USP1: variants seen among roughly 807,000 people sequenced by gnomAD.
The protein encoded by USP1 is ubiquitin carboxyl-terminal hydrolase 1.
In USP1, 18 loss-of-function variants were observed where a neutral mutation model predicts 72.2. The observed-to-expected ratio is 0.25, with a 90% CI of 0.17 to 0.37. USP1 has a LOEUF of 0.37. USP1 is among the 10% of genes least tolerant of loss of function. USP1 has a pLI of 1.00. For missense variants in USP1, 759 were observed against 884.9 expected (o/e 0.86, Z 1.81); for synonymous variants, 354 against 303.7 (o/e 1.17, Z -1.72).
chr1:62,439,904 T>C lies in USP1; in HGVS notation c.37T>C (p.Ser13Pro), dbSNP rs1645120764. 3 of 1,543,022 alleles carry C rather than the reference T, an allele frequency of 1.9e-6. No homozygotes were observed. The highest frequency in any genetic ancestry group is 1.7e-6 in the Non-Finnish European group (2 of 1,151,248). ...GVIPSESNGL[S>P]RGSPSKKNRL... ...CATACCTAGTGAAAGTAATGGACTT[T>C]CAAGAGGTAGCCCTTCAAAGAAAAA... is the stretch of plus-strand genomic sequence containing the variant. Residue 13 changes from serine to proline, a missense_variant, in exon 2 of 9, where the codon TCA becomes CCA. Physicochemically the swap from Ser to Pro is moderately conservative, Grantham distance 74. Coordinates refer to ENST00000339950, the MANE Select transcript of USP1 (RefSeq NM_003368.5).
At chr1:62,449,572 A>G (rs1250305355) in intron 8 of USP1, among the ~76,000 whole-genome samples, 1 of 152,110 alleles carries the variant, frequency 6.6e-6, no homozygotes, top group Non-Finnish European at 1.5e-5. Context: ...ATAAAATACT[A>G]TTTTATTTAC....
Position 62,444,756 on chromosome 1 carries a change from T to C in USP1, c.576T>C (p.Tyr192=), listed in dbSNP as rs1645157970. 1.3e-6 allele frequency: 2 copies of C among 1,585,902 alleles called. No individual in the cohort carries two copies. Among genetic ancestry groups the C allele is most frequent in the Admixed American group, 3.8e-5 (2 of 52,626 alleles). The change falls in exon 6 of 9, where the codon TAT becomes TAC. Residue 192 remains tyrosine, a synonymous_variant. Transcript: ENST00000339950. ...TTTATAGGGAACTCAACCCTATGTA[T>C]GAAGGATATCTACAGCATGATGCAC... ...LNTLRELNPM[Y]EGYLQHDAQE...
At chr1:62,437,034 G>T, upstream of USP1, 1 of 398,402 alleles carries the variant, frequency 2.5e-6, no homozygotes, top group South Asian at 1.3e-4. Context: ...AAAACACGGG[G>T]GTCCTGAGAC....
In USP1 at chr1:62,440,358, A is replaced by G. The variant is rs532867352; in HGVS notation, c.170+321A>G. On this transcript the variant is annotated intron_variant, in intron 2 of 8. Coordinates refer to ENST00000339950, the MANE Select transcript of USP1 (RefSeq NM_003368.5). The stretch of plus-strand genomic sequence containing the variant: ...TGCAAAACATCTGTGTAGGGGTAAA[A>G]GGTTTTATATATATATATATATATA... Among the ~76,000 whole-genome samples, 318 of 145,694 alleles carry G rather than the reference A, an allele frequency of 2.2e-3. 2 individuals are homozygous for G. The highest frequency in any genetic ancestry group is 8.1e-3 in the African/African-American group (303 of 37,468).
chr1:62,443,247 G>GT lies in USP1; in HGVS notation c.489dup (p.Leu164SerfsTer9). On this transcript the variant is annotated frameshift_variant, in exon 5 of 9. Transcript: ENST00000339950. LOFTEE classifies it high-confidence loss of function. The stretch of plus-strand genomic sequence containing the variant: ...ATTTCGGTTGAACAGCTCCAGGCTA[G>GT]TTTTCTCTTAAATCCAGAGAAATAT... 2.5e-6 allele frequency: 4 copies of GT among 1,614,036 alleles called. No individual in the cohort carries two copies. Among genetic ancestry groups the GT allele is most frequent in the Non-Finnish European group, 3.4e-6 (4 of 1,179,986 alleles).
rs1413410070 is a variant in USP1 at position 62,451,058 on chromosome 1, TTTAGC to T, written c.*81_*85del. On this transcript the variant is annotated 3_prime_UTR_variant, in exon 9 of 9. Transcript: ENST00000339950. The stretch of plus-strand genomic sequence containing the variant: ...GTAAAGTTGATTACATCAAAGAATC[TTTAGC>T]TTATCTTTTGAAGCTACTGGATATT... 1.7e-5 allele frequency: 23 copies of T among 1,375,278 alleles called. No individual in the cohort carries two copies. Among genetic ancestry groups the T allele is most frequent in the South Asian group, 6.0e-5 (4 of 66,554 alleles). 85.2% of individuals were successfully genotyped at this position (1,375,278 alleles called of 1,614,324 possible).
chr1:62,448,364 C>G, intron 7 of USP1, 101 bp from the exon 8 acceptor site: 2 of 1,109,762 alleles, frequency 1.8e-6, no homozygotes, highest in Non-Finnish European at 2.6e-6. Context: ...AGGAATGGGT[C>G]GGTCAATTGA....
At chr1:62,441,426 T>C (rs1645133360) in intron 2 of USP1, 62 bp from the exon 3 acceptor site, 2 of 1,467,954 alleles carry the variant, frequency 1.4e-6, no homozygotes, top group Non-Finnish European at 1.8e-6. Flanking sequence ...TCTACAGAAG[T>C]AATATTTTCA....
At chr1:62,437,796 T>G (rs1298279516) in intron 1 of USP1, among the ~76,000 whole-genome samples, 1 of 152,212 alleles carries the variant, frequency 6.6e-6, no homozygotes, top group Non-Finnish European at 1.5e-5. Context: ...TTGCGAAATT[T>G]TACCGCGCAT....
rs1040552607 is a variant in USP1 at position 62,451,210 on chromosome 1, G to A, written c.*229G>A. The A allele has an allele frequency of 7.9e-6, 3 of 378,498 alleles. No individual in the cohort carries two copies. Among genetic ancestry groups the A allele is most frequent in the Non-Finnish European group, 1.4e-5 (3 of 218,408 alleles). 23.4% of individuals were successfully genotyped at this position (378,498 alleles called of 1,614,324 possible). A position where few individuals can be genotyped will look rare whatever the true frequency, so the allele number is the denominator to read the frequency against. On this transcript the variant is annotated 3_prime_UTR_variant, in exon 9 of 9. Coordinates refer to ENST00000339950, the MANE Select transcript of USP1 (RefSeq NM_003368.5). ...TGCATTAGCTTCTGGGAACAAACTT[G>A]TATCGGTTCTTAATTAAATTATCCA...
At chr1:62,437,678 C>A (rs1388534099) in intron 1 of USP1, among the ~76,000 whole-genome samples, 1 of 152,242 alleles carries the variant, frequency 6.6e-6, no homozygotes, top group African/African-American at 2.4e-5. Context: ...CCTCCCCCGA[C>A]CGGGCAGCCT....
intron 7 of USP1, among the ~76,000 whole-genome samples, 158 bp downstream of exon 7, chr1:62,447,669 G>C (rs1456852564): frequency 6.6e-6 from 1 of 152,168 alleles, no homozygotes; most frequent in Non-Finnish European, 1.5e-5. Flanking sequence ...ACTTATAAAT[G>C]GTTAGCATTT....
Position 62,450,236 on chromosome 1 carries a change from C to G in USP1, c.1623-10C>G, listed in dbSNP as rs1204102966. The stretch of plus-strand genomic sequence containing the variant: ...ACTGCAGGAAACCTTTTCTTTTTTT[C>G]CTCCCAAAGGTTTGATTGTTATGGT... On this transcript the variant is annotated splice_polypyrimidine_tract_variant and intron_variant, in intron 8 of 8. Coordinates refer to ENST00000339950, the MANE Select transcript of USP1 (RefSeq NM_003368.5). 1 of 1,576,252 alleles carries G rather than the reference C, an allele frequency of 6.3e-7. No homozygotes were observed. The highest frequency in any genetic ancestry group is 1.2e-5 in the South Asian group (1 of 85,670).
At chr1:62,449,039 T>C (rs548243194) in intron 8 of USP1, among the ~76,000 whole-genome samples, 1 of 152,110 alleles carries the variant, frequency 6.6e-6, no homozygotes, top group Non-Finnish European at 1.5e-5. Context: ...CATGCCACCA[T>C]GCCCAGCTAA....
upstream of USP1, chr1:62,436,509 T>C (rs918959160): frequency 5.3e-5 from 8 of 152,198 alleles, no homozygotes; most frequent in African/African-American, 1.9e-4. Flanking sequence ...CTTTCTTCTT[T>C]TTTGCTATTA....
intron 4 of USP1, among the ~76,000 whole-genome samples, 157 bp from the exon 5 acceptor site, chr1:62,443,002 T>TA (rs1379670861): frequency 4.0e-5 from 6 of 151,720 alleles, no homozygotes; most frequent in Non-Finnish European, 5.9e-5. Context: ...TGTCTCAAAA[T>TA]AAAAAAATAA....
chr1:62,450,120 T>C, intron 8 of USP1, 126 bp from the exon 9 acceptor site: 1 of 1,184,122 alleles, frequency 8.4e-7, no homozygotes, highest in Non-Finnish European at 1.1e-6. Flanking sequence ...TTGATTCTGC[T>C]TTTCTGATAT....
In USP1 at chr1:62,450,238, T is replaced by TC. The variant is rs1239796663; in HGVS notation, c.1623-5dup. 1.3e-6 allele frequency: 2 copies of TC among 1,593,922 alleles called. No individual in the cohort carries two copies. The highest frequency in any genetic ancestry group is 1.7e-6 in the Non-Finnish European group (2 of 1,169,530). On this transcript the variant is annotated splice_region_variant and splice_polypyrimidine_tract_variant and intron_variant, in intron 8 of 8. Transcript: ENST00000339950. Reference sequence around the variant, plus strand: ...TGCAGGAAACCTTTTCTTTTTTTCCTCCCAAAGGTTTGATTGTTATGGTGG... The same window carrying TC: ...TGCAGGAAACCTTTTCTTTTTTTCCTCCCCAAAGGTTTGATTGTTATGGTGG...
intron 6 of USP1, among the ~76,000 whole-genome samples, chr1:62,446,754 T>G (rs1339150138): frequency 5.9e-5 from 9 of 152,216 alleles, no homozygotes; most frequent in Non-Finnish European, 7.3e-5. Flanking sequence ...CTGGGTTTAT[T>G]CTATGGGGAG....
Sources: allele counts gnomAD v4.1 joint callset (sites outside exome capture counted in the v4.1 genomes callset), GRCh38; gene constraint gnomAD v4.1.1; transcripts MANE v1.5; gene names NCBI Gene and HGNC (gene_info 2026-07-23, HGNC 2026-07-21).